The following SYNE3 variants were observed in gnomAD, a reference collection of about 807,000 sequenced individuals.
SYNE3 encodes the protein nesprin-3.
In SYNE3, 100 loss-of-function variants were observed where a neutral mutation model predicts 111.2. That is an observed-to-expected ratio of 0.90 (90% CI 0.77 to 1.06). SYNE3 has a LOEUF of 1.06. Ranked by LOEUF, SYNE3 falls within the 50% of genes least tolerant of loss-of-function variation. The pLI is 0.00. For missense variants in SYNE3, 1,160 were observed against 1,240.3 expected (o/e 0.94, Z 0.97); for synonymous variants, 547 against 533.9 (o/e 1.02, Z -0.34).
intron 1 of SYNE3, among the ~76,000 whole-genome samples, chr14:95,483,897 C>T (rs1889399108): frequency 1.3e-5 from 2 of 152,190 alleles, no homozygotes; most frequent in Admixed American, 1.3e-4. Context: ...TCTACAATTA[C>T]AGCCACAAAG....
chr14:95,481,043 G>A (rs1410661938), intron 1 of SYNE3, among the ~76,000 whole-genome samples: 3 of 152,224 alleles, frequency 2.0e-5, no homozygotes, highest in Non-Finnish European at 4.4e-5. Flanking sequence ...GAATGCTGCG[G>A]GGCTGACTGG....
chr14:95,445,953 C>A lies in SYNE3; in HGVS notation c.1588G>T (p.Asp530Tyr), dbSNP rs746137627. 8.1e-6 allele frequency: 13 copies of A among 1,614,018 alleles called. 1 individual carries two copies. The South Asian group carries it at 1.4e-4, about 18-fold the overall frequency. ...TGCAGGAGGCTGTTATGCAGCAGGT[C>A]TCTGTCCCTCATGGAACCTGCCACC... ...EQVAGSMRDR[D>Y]LLHNSLLQRK... The change falls in exon 9 of 18, where the codon GAC becomes TAC. Residue 530 changes from aspartate (D) to tyrosine (Y), a missense_variant. Coordinates refer to ENST00000682763, the MANE Select transcript of SYNE3 (RefSeq NM_152592.6).
At chr14:95,466,332 G>A in intron 3 of SYNE3, 92 bp from the exon 4 acceptor site, 1 of 1,430,606 alleles carries the variant, frequency 7.0e-7, no homozygotes, top group Non-Finnish European at 9.3e-7. Flanking sequence ...CCAATACTAG[G>A]GGGCTGTGGT....
chr14:95,439,933 G>A lies in SYNE3; in HGVS notation c.2054C>T (p.Ser685Phe). 1 of 1,612,914 alleles carries A rather than the reference G, an allele frequency of 6.2e-7. No individual in the cohort carries two copies. The highest frequency in any genetic ancestry group is 8.5e-7 in the Non-Finnish European group (1 of 1,179,362). The stretch of plus-strand genomic sequence containing the variant: ...CCTTACCTCAAACTCGGCCTCTTGG[G>A]ACTCGGCATCCCCCGGGCCCGCCTC... ...RGEAGPGDAESQEAEFERLVA... is the reference protein window; with the variant it reads ...RGEAGPGDAEFQEAEFERLVA... Residue 685 changes from serine to phenylalanine, a missense_variant, in exon 12 of 18, where the codon TCC (serine) becomes TTC (phenylalanine). Coordinates refer to ENST00000682763, the MANE Select transcript of SYNE3 (RefSeq NM_152592.6).
chr14:95,446,016 T>C lies in SYNE3; in HGVS notation c.1525A>G (p.Ile509Val). 2 of 1,614,178 alleles carry C rather than the reference T, an allele frequency of 1.2e-6. No homozygotes were observed. The highest frequency in any genetic ancestry group is 1.7e-5 in the Admixed American group (1 of 60,026). The change falls in exon 9 of 18, where the codon ATC becomes GTC. Residue 509 changes from isoleucine (I) to valine (V), a missense_variant. Ile to Val is a conservative substitution (Grantham distance 29). Transcript: ENST00000682763. The stretch of plus-strand genomic sequence containing the variant: ...GCCGTGGCTCTCTCCTGGCCAAAGA[T>C]GCCAATCAGGAGGTCTTTCTTCAGC... ...LQLKKDLLIGIFGQERATALL... is the reference protein window; with the variant it reads ...LQLKKDLLIGVFGQERATALL...
intron 4 of SYNE3, among the ~76,000 whole-genome samples, chr14:95,463,920 T>C (rs984523829): frequency 6.6e-5 from 10 of 152,246 alleles, no homozygotes; most frequent in Non-Finnish European, 1.5e-4. Context: ...GGCAAAATGC[T>C]TGCCAGTTTT....
chr14:95,464,306 G>A (rs1888024759), intron 4 of SYNE3, among the ~76,000 whole-genome samples: 1 of 152,178 alleles, frequency 6.6e-6, no homozygotes, highest in Non-Finnish European at 1.5e-5. Flanking sequence ...GCTCACACAG[G>A]TGCCTGAAGT....
At chr14:95,493,063 G>C (rs187387585) in intron 1 of SYNE3, among the ~76,000 whole-genome samples, 2 of 152,180 alleles carry the variant, frequency 1.3e-5, no homozygotes, top group Admixed American at 1.3e-4. Context: ...CTTCAGTGAT[G>C]GGTGGCTCAC....
intron 8 of SYNE3, among the ~76,000 whole-genome samples, chr14:95,446,383 T>G (rs1365232818): frequency 7.6e-6 from 1 of 131,620 alleles, no homozygotes; most frequent in Non-Finnish European, 1.6e-5. Context: ...CTCCTCTCCA[T>G]GGCCTCTGCC....
intron 15 of SYNE3, among the ~76,000 whole-genome samples, chr14:95,433,799 A>C (rs1313734611): frequency 6.6e-6 from 1 of 152,176 alleles, no homozygotes; most frequent in African/African-American, 2.4e-5. Context: ...GATTTTTCTC[A>C]GGAAATAGAA....
intron 16 of SYNE3, among the ~76,000 whole-genome samples, chr14:95,432,833 G>A (rs1885866724): frequency 6.6e-6 from 1 of 151,986 alleles, no homozygotes; most frequent in South Asian, 2.1e-4. Context: ...GTGTCTGCAG[G>A]CTGGCTCTGC....
At chr14:95,483,692 C>A (rs1176083170) in intron 1 of SYNE3, among the ~76,000 whole-genome samples, 1 of 152,070 alleles carries the variant, frequency 6.6e-6, no homozygotes, top group Non-Finnish European at 1.5e-5. Context: ...CTCACAACAA[C>A]CCTGCCAGGC....
chr14:95,499,856 C>CTTTTT (rs10547044), intron 1 of SYNE3, among the ~76,000 whole-genome samples: 9,038 of 89,808 alleles, frequency 0.1, 1,249 homozygotes, highest in Non-Finnish European at 0.12. Flanking sequence ...TAACTCTTGT[C>CTTTTT]TTTTTTTTTT....
chr14:95,455,700 C>G lies in SYNE3; in HGVS notation c.814G>C (p.Gly272Arg), dbSNP rs1595211840. 11 of 1,614,146 alleles carry G rather than the reference C, an allele frequency of 6.8e-6. No homozygotes were observed. Among genetic ancestry groups the G allele is most frequent in the Non-Finnish European group, 8.5e-6 (10 of 1,180,050 alleles). Reference sequence around the variant, plus strand: ...TCCAGCGTCTCCAGAGACTCCTCGCCCCTGGGAAAATCTTTGGCAATGTCC... The same window carrying G: ...TCCAGCGTCTCCAGAGACTCCTCGCGCCTGGGAAAATCTTTGGCAATGTCC... The part of the protein sequence containing the change: ...LQDIAKDFPR[G>R]EESLETLEEQ... The change falls in exon 6 of 18, where the codon GGC becomes CGC. Residue 272 changes from glycine to arginine, a missense_variant. Transcript: ENST00000682763.
chr14:95,443,052 T>G, intron 11 of SYNE3, 103 bp downstream of exon 11: 1 of 1,412,662 alleles, frequency 7.1e-7, no homozygotes, highest in Non-Finnish European at 9.6e-7. Context: ...AAAAGAGAGG[T>G]TAGAAGGAAT....
rs1889512219 is a variant in SYNE3 at position 95,485,731 on chromosome 14, ATGAC to A, written c.-14-9900_-14-9897del. On this transcript the variant is annotated intron_variant, in intron 1 of 17. Transcript: ENST00000682763. This position sits in a 1 kb window ranked among gnomAD's most constrained non-coding sequence, Gnocchi z 4.3. The stretch of plus-strand genomic sequence containing the variant: ...TCCTCTTCCAGAAAGCCTTCCCTGA[ATGAC>A]TGACACAGCCATGGCCACTCCTATG... Among the ~76,000 whole-genome samples, 1 of 152,244 alleles carries A rather than the reference ATGAC, an allele frequency of 6.6e-6. No individual in the cohort carries two copies. The highest frequency in any genetic ancestry group is 2.1e-4 in the South Asian group (1 of 4,822).
intron 17 of SYNE3, among the ~76,000 whole-genome samples, chr14:95,426,375 C>T (rs986149720): frequency 3.9e-5 from 6 of 152,144 alleles, no homozygotes; most frequent in Non-Finnish European, 8.8e-5. Flanking sequence ...GACCTGCCCC[C>T]GGAGTTCCAC....
Position 95,443,097 on chromosome 14 carries a change from G to A in SYNE3, c.1911+58C>T, listed in dbSNP as rs962276921. On this transcript the variant is annotated intron_variant, in intron 11 of 17. Coordinates refer to ENST00000682763, the MANE Select transcript of SYNE3 (RefSeq NM_152592.6). ...AAAGGGGAAGAAAGGCCCCAGGCGT[G>A]TTGGATGACAGGGGCCGGCTCTCTG... The A allele has an allele frequency of 5.0e-6, 8 of 1,602,450 alleles. No individual in the cohort carries two copies. In the African/African-American group the frequency reaches 1.1e-4, roughly 22 times the overall value.
chr14:95,450,529 T>G, intron 7 of SYNE3: 1 of 166,136 alleles, frequency 6.0e-6, no homozygotes, highest in East Asian at 1.8e-4. Flanking sequence ...ATTTAAAAAT[T>G]AGCCAGGCAT....
Sources: gnomAD v4.1 joint callset for allele counts (sites outside exome capture counted in the v4.1 genomes callset) on GRCh38, gnomAD v4.1.1 for gene constraint, Gnocchi (gnomAD v3.1) non-coding constraint, MANE v1.5 for transcripts, NCBI Gene and HGNC (gene_info 2026-07-23, HGNC 2026-07-21) for gene names.